Variants in PHIP observed in about 807,000 individuals in gnomAD.
PHIP encodes the protein PH-interacting protein.
PHIP carries 54 observed loss-of-function variants against 236.8 expected under a neutral mutation model. The observed-to-expected ratio is 0.23, with a 90% confidence interval of 0.18 to 0.29. The LOEUF (loss-of-function observed/expected upper bound fraction) is 0.29. Ranked by LOEUF, PHIP falls within the 10% of genes least tolerant of loss-of-function variation. PHIP has a pLI of 1.00. For missense variants in PHIP, 1,370 were observed against 2,190.8 expected (o/e 0.63, Z 7.48); for synonymous variants, 756 against 718.9 (o/e 1.05, Z -0.83).
In PHIP at chr6:79,065,884, T is replaced by C. The variant is rs1464280894; in HGVS notation, c.190-5066A>G. Among the ~76,000 whole-genome samples, 6 of 152,156 alleles carry C rather than the reference T, an allele frequency of 3.9e-5. No individual in the cohort carries two copies. In the East Asian group the frequency reaches 7.7e-4, roughly 20 times the overall value. ...ACATTCTTTATAAACATATTAATCA[T>C]ATTCATATTCTTCATAAATATTAAT... On this transcript the variant is annotated intron_variant, in intron 4 of 39. Coordinates refer to ENST00000275034, the MANE Select transcript of PHIP (RefSeq NM_017934.7).
At chr6:78,990,015 T>C (rs979010832) in intron 20 of PHIP, among the ~76,000 whole-genome samples, 1 of 152,044 alleles carries the variant, frequency 6.6e-6, no homozygotes, top group East Asian at 1.9e-4. Context: ...TTTGAAGAGA[T>C]GAGTAATAAA....
intron 18 of PHIP, among the ~76,000 whole-genome samples, chr6:78,997,839 C>CA (rs2127728562): frequency 6.6e-6 from 1 of 151,966 alleles, no homozygotes; most frequent in South Asian, 2.1e-4. Context: ...CCCAAGGATA[C>CA]AAAATCATTA....
chr6:78,954,357 C>T (rs1766265851), intron 35 of PHIP, among the ~76,000 whole-genome samples: 1 of 151,926 alleles, frequency 6.6e-6, no homozygotes, highest in Non-Finnish European at 1.5e-5. Flanking sequence ...CTGCCTGCCT[C>T]GGCCTCCCAA....
chr6:79,015,795 G>T lies in PHIP; in HGVS notation c.1236-12C>A, dbSNP rs749029566. The T allele has an allele frequency of 2.5e-6, 4 of 1,602,324 alleles. No individual in the cohort carries two copies. The Admixed American group carries it at 5.1e-5, about 21-fold the overall frequency. ...CTTGAAGGTTTTGGCTGAAAGTGAG[G>T]AAGTGTTTTACACTGACTATTAAAA... On this transcript the variant is annotated splice_polypyrimidine_tract_variant and intron_variant, in intron 13 of 39. Coordinates refer to ENST00000275034, the MANE Select transcript of PHIP (RefSeq NM_017934.7).
At chr6:78,969,946 G>C in intron 26 of PHIP, 29 bp from the exon 27 acceptor site, 1 of 1,562,974 alleles carries the variant, frequency 6.4e-7, no homozygotes, top group African/African-American at 1.4e-5. Context: ...AAATTGATTA[G>C]GTCACATACC....
intron 4 of PHIP, among the ~76,000 whole-genome samples, chr6:79,071,052 T>C (rs1432598348): frequency 6.6e-6 from 1 of 152,174 alleles, no homozygotes; most frequent in Non-Finnish European, 1.5e-5. Context: ...AATTTAGTTT[T>C]AATATAAGAA....
intron 25 of PHIP, among the ~76,000 whole-genome samples, chr6:78,970,380 A>C (rs1767452742): frequency 1.3e-5 from 2 of 152,100 alleles, no homozygotes; most frequent in South Asian, 2.1e-4. Flanking sequence ...AACGTAAAAA[A>C]GGAAAAAAAA....
chr6:78,941,613 T>A (rs1388832764), intron 39 of PHIP, among the ~76,000 whole-genome samples: 1 of 152,188 alleles, frequency 6.6e-6, no homozygotes, highest in African/African-American at 2.4e-5. Context: ...AAAGCTGGGA[T>A]GACTAAAGGT....
Position 78,935,820 on chromosome 6 carries a change from C to A in PHIP, c.*4873G>T. 1 of 851,992 alleles carries A rather than the reference C, an allele frequency of 1.2e-6. No individual in the cohort carries two copies. The highest frequency in any genetic ancestry group is 1.4e-6 in the Non-Finnish European group (1 of 708,396). 52.8% of individuals were successfully genotyped at this position (851,992 alleles called of 1,614,324 possible). A position where few individuals can be genotyped will look rare whatever the true frequency, so the allele number is the denominator to read the frequency against. ...TATGTACTAAGTGCTTTATGTGATG[C>A]CAAAAAACTTTAAAAAGCAAATAAT... On this transcript the variant is annotated 3_prime_UTR_variant, in exon 40 of 40. Transcript: ENST00000275034.
chr6:78,979,595 C>G (rs1230529838), intron 23 of PHIP, among the ~76,000 whole-genome samples: 2 of 152,056 alleles, frequency 1.3e-5, no homozygotes, highest in Admixed American at 6.6e-5. Context: ...TTGCTGGTCA[C>G]CCACAAGTGG....
In PHIP at chr6:79,017,335, A is replaced by G; in HGVS notation, c.1136+11T>C. 3 of 1,432,928 alleles carry G rather than the reference A, an allele frequency of 2.1e-6. No individual in the cohort carries two copies. Among genetic ancestry groups the G allele is most frequent in the Non-Finnish European group, 2.9e-6 (3 of 1,044,212 alleles). 88.8% of individuals were successfully genotyped at this position (1,432,928 alleles called of 1,614,324 possible). ...TTTTAAAATTAGAATTAAATTAGAC[A>G]AATATTTTACCTGTTACTAGTGTTG... On this transcript the variant is annotated intron_variant, in intron 12 of 39. Transcript: ENST00000275034.
chr6:79,051,109 C>T (rs1034017082), intron 6 of PHIP, among the ~76,000 whole-genome samples: 4 of 152,096 alleles, frequency 2.6e-5, no homozygotes, highest in Admixed American at 6.5e-5. Flanking sequence ...GTTATTAACA[C>T]GGGTATCAAG....
In PHIP at chr6:78,969,854, T is replaced by C; in HGVS notation, c.3186A>G (p.Lys1062=). 1.3e-6 allele frequency: 2 copies of C among 1,577,346 alleles called. No individual in the cohort carries two copies. The highest frequency in any genetic ancestry group is 1.7e-6 in the Non-Finnish European group (2 of 1,150,126). The part of the protein sequence containing the change: ...LVLRQQFDDA[K]YRRWNIGDRF... ...ACCCACCTATATTCCATCGCCTGTA[T>C]TTTGCATCATCAAATTGTTGTCTCA... Residue 1062 remains lysine, a synonymous_variant, in exon 27 of 40, where the codon AAA becomes AAG. Coordinates refer to ENST00000275034, the MANE Select transcript of PHIP (RefSeq NM_017934.7).
At chr6:78,949,241 C>A (rs1023184551) in intron 35 of PHIP, among the ~76,000 whole-genome samples, 2 of 152,042 alleles carry the variant, frequency 1.3e-5, no homozygotes, top group African/African-American at 2.4e-5. Context: ...GTCTATTTGC[C>A]ATCTATTCAC....
intron 15 of PHIP, among the ~76,000 whole-genome samples, chr6:79,012,498 C>T (rs965742736): frequency 6.6e-6 from 1 of 151,570 alleles, no homozygotes; most frequent in African/African-American, 2.4e-5. Flanking sequence ...CTCTAATAGA[C>T]CAAAGCACTA....
chr6:79,045,066 A>C (rs1185906242), intron 6 of PHIP, among the ~76,000 whole-genome samples: 1 of 152,196 alleles, frequency 6.6e-6, no homozygotes, highest in Admixed American at 6.5e-5. Flanking sequence ...TATATTCCAC[A>C]CTACCCTTTG....
rs1329597948 is a variant in PHIP, at chr6:78,934,461, T to C, written c.*6232A>G. On this transcript the variant is annotated 3_prime_UTR_variant, in exon 40 of 40. Transcript: ENST00000275034. ...TCTTTTTATTAGTAAACATGTACTT[T>C]TAAAGCAATTCACAATTTATAGCAA... Among the ~76,000 whole-genome samples, 1 of 152,206 alleles carries C rather than the reference T, an allele frequency of 6.6e-6. No homozygotes were observed. Among genetic ancestry groups the C allele is most frequent in the Non-Finnish European group, 1.5e-5 (1 of 68,034 alleles).
chr6:79,077,612 CGCGCCCT>C (rs1186632493), intron 3 of PHIP, 81 bp downstream of exon 3: 3 of 892,302 alleles, frequency 3.4e-6, no homozygotes, highest in African/African-American at 1.8e-5. Context: ...CCCCGCGCCC[CGCGCCCT>C]GCCGGCGGCG....
intron 31 of PHIP, among the ~76,000 whole-genome samples, chr6:78,961,318 A>G (rs1766761231): frequency 6.6e-6 from 1 of 151,912 alleles, no homozygotes; most frequent in African/African-American, 2.4e-5. Flanking sequence ...ATTATATTAA[A>G]AATCAATGAA....
Sources: gnomAD v4.1 joint callset for allele counts (sites outside exome capture counted in the v4.1 genomes callset) on GRCh38, gnomAD v4.1.1 for gene constraint, MANE v1.5 for transcripts, NCBI Gene and HGNC (gene_info 2026-07-23, HGNC 2026-07-21) for gene names.